Variants in ANKS6 observed in about 807,000 individuals in gnomAD.
ANKS6 encodes the protein ankyrin repeat and SAM domain-containing protein 6.
Under a neutral mutation model 77.9 loss-of-function variants are expected in ANKS6, and 47 were observed. The ratio of observed to expected loss-of-function variants is 0.60; its 90% confidence interval spans 0.48 to 0.77. The LOEUF is 0.77. Ranked by LOEUF, ANKS6 falls within the 30% of genes least tolerant of loss-of-function variation. The pLI is 0.00. For missense variants in ANKS6, 1,150 were observed against 1,159.1 expected (o/e 0.99, Z 0.11); for synonymous variants, 488 against 501.7 (o/e 0.97, Z 0.37).
chr9:98,769,644 G>A lies in ANKS6; in HGVS notation c.1972+1252C>T, dbSNP rs548134055. On this transcript the variant is annotated intron_variant, in intron 10 of 14. Coordinates refer to ENST00000353234, the MANE Select transcript of ANKS6 (RefSeq NM_173551.5). ...AGCAGTTTATAGTTTAGAAAGGCACGTGGTTCCAAGAACAGGCTCTGAAGT... is the reference window on the plus strand; with the variant it reads ...AGCAGTTTATAGTTTAGAAAGGCACATGGTTCCAAGAACAGGCTCTGAAGT... Among the ~76,000 whole-genome samples, 8 of 152,300 alleles carry A rather than the reference G, an allele frequency of 5.3e-5. No individual in the cohort carries two copies. The East Asian group carries it at 1.5e-3, about 29-fold the overall frequency.
At chr9:98,756,676 A>T in intron 11 of ANKS6, 73 bp from the exon 12 acceptor site, 1 of 1,268,946 alleles carries the variant, frequency 7.9e-7, no homozygotes, top group South Asian at 2.0e-5. Flanking sequence ...AGACACCCAC[A>T]ACAGGGAACA....
intron 11 of ANKS6, among the ~76,000 whole-genome samples, chr9:98,762,092 T>C (rs1683741280): frequency 6.6e-6 from 1 of 152,198 alleles, no homozygotes. Context: ...CCACACATAT[T>C]AGATTTATAC....
At chr9:98,739,484 C>A (rs953778727) in intron 14 of ANKS6, among the ~76,000 whole-genome samples, 1 of 151,976 alleles carries the variant, frequency 6.6e-6, no homozygotes, top group Non-Finnish European at 1.5e-5. Flanking sequence ...AGCTGGGTCA[C>A]CCTGAGCAAG....
At chr9:98,754,198 T>C (rs1211153077) in intron 12 of ANKS6, among the ~76,000 whole-genome samples, 2 of 152,118 alleles carry the variant, frequency 1.3e-5, no homozygotes, top group Admixed American at 6.5e-5. Flanking sequence ...CTGGAACAAA[T>C]GTGAGGCTGA....
intron 12 of ANKS6, among the ~76,000 whole-genome samples, chr9:98,752,608 C>G (rs1257023581): frequency 6.6e-6 from 1 of 152,220 alleles, no homozygotes; most frequent in Non-Finnish European, 1.5e-5. Flanking sequence ...ATGGATGACC[C>G]ACTTGCTCTT....
chr9:98,772,317 G>A (rs564986504), intron 9 of ANKS6, among the ~76,000 whole-genome samples: 2 of 152,342 alleles, frequency 1.3e-5, no homozygotes, highest in South Asian at 4.1e-4. Context: ...CTGGAGTGAT[G>A]CAGCCACAAG....
intron 14 of ANKS6, among the ~76,000 whole-genome samples, chr9:98,739,430 AC>A (rs1163111256): frequency 6.6e-6 from 1 of 152,082 alleles, no homozygotes; most frequent in Non-Finnish European, 1.5e-5. Flanking sequence ...ACAGAGCGAG[AC>A]CCTGTCACAG....
chr9:98,796,110 G>GC, intron 1 of ANKS6, 23 bp downstream of exon 1: 1 of 1,322,414 alleles, frequency 7.6e-7, no homozygotes, highest in Non-Finnish European at 9.6e-7. Context: ...CTGGTCCCGG[G>GC]CCCCCGGGCC....
intron 1 of ANKS6, among the ~76,000 whole-genome samples, chr9:98,792,445 G>C (rs1047419755): frequency 2.0e-5 from 3 of 152,172 alleles, no homozygotes; most frequent in Admixed American, 6.5e-5. Flanking sequence ...CCCTACCATA[G>C]TGGCTGATCC....
At position 98,782,425 on chromosome 9, in the gene ANKS6, A is replaced by G. The variant is rs1364226928; in HGVS notation, c.1219+42T>C. ...GCCTGTCTTGACTCCCAGTCCAAGA[A>G]ACGCTGGGTAGATTTACAACCCTTT... On this transcript the variant is annotated intron_variant, in intron 5 of 14. Coordinates refer to ENST00000353234, the MANE Select transcript of ANKS6 (RefSeq NM_173551.5). 4 of 1,566,076 alleles carry G rather than the reference A, an allele frequency of 2.6e-6. No individual in the cohort carries two copies. In the South Asian group the frequency reaches 4.5e-5, roughly 17 times the overall value.
Position 98,733,482 on chromosome 9 carries a change from A to G in ANKS6, c.*3037T>C, listed in dbSNP as rs1451122122. The G allele has an allele frequency of 5.1e-6, 5 of 985,382 alleles. No homozygotes were observed. Among genetic ancestry groups the G allele is most frequent in the Non-Finnish European group, 4.8e-6 (4 of 830,002 alleles). 61.0% of individuals were successfully genotyped at this position (985,382 alleles called of 1,614,324 possible). A position where few individuals can be genotyped will look rare whatever the true frequency, so the allele number is the denominator to read the frequency against. On this transcript the variant is annotated 3_prime_UTR_variant, in exon 15 of 15. Transcript: ENST00000353234. ...AGCAGGACCGGTCCCCTGATGTCCCACTGCCAAGCAGGCCACCTCTGCAGA... is the reference window on the plus strand; with the variant it reads ...AGCAGGACCGGTCCCCTGATGTCCCGCTGCCAAGCAGGCCACCTCTGCAGA...
At chr9:98,777,601 G>A (rs982961455) in intron 7 of ANKS6, 147 bp from the exon 8 acceptor site, 2 of 722,084 alleles carry the variant, frequency 2.8e-6, no homozygotes, top group Non-Finnish European at 4.7e-6. Context: ...TATTTTAATA[G>A]AAGGAAGGCA....
In ANKS6 at chr9:98,773,805, C is replaced by T. The variant is rs994857430; in HGVS notation, c.1821+72G>A. On this transcript the variant is annotated intron_variant, in intron 9 of 14. Transcript: ENST00000353234. ...CTCTGGATTCGTCGGTTTGAGGTCC[C>T]GCTGCCTGGAACACACCATGATCTC... 1.4e-5 allele frequency: 19 copies of T among 1,336,490 alleles called. 1 individual carries two copies. The highest frequency in any genetic ancestry group is 3.0e-5 in the African/African-American group (2 of 66,558). 82.8% of individuals were successfully genotyped at this position (1,336,490 alleles called of 1,614,324 possible).
chr9:98,746,896 T>C (rs537182304), intron 13 of ANKS6, among the ~76,000 whole-genome samples: 18 of 152,280 alleles, frequency 1.2e-4, no homozygotes, highest in Admixed American at 7.8e-4. Flanking sequence ...ATCTGGGAGA[T>C]GGGACAAAGA....
intron 12 of ANKS6, among the ~76,000 whole-genome samples, chr9:98,751,928 GAAGT>G (rs1366283337): frequency 1.3e-5 from 2 of 152,122 alleles, no homozygotes; most frequent in Non-Finnish European, 2.9e-5. Flanking sequence ...AAAAAATTTA[GAAGT>G]AATTAGCCAG....
chr9:98,790,332 C>G lies in ANKS6; in HGVS notation c.634G>C (p.Glu212Gln), dbSNP rs769180403. The G allele has an allele frequency of 8.1e-6, 13 of 1,611,282 alleles. No individual in the cohort carries two copies. Among genetic ancestry groups the G allele is most frequent in the Non-Finnish European group, 1.0e-5 (12 of 1,178,680 alleles). The change falls in exon 2 of 15, where the codon GAG becomes CAG. Residue 212 changes from glutamate (E) to glutamine (Q), a missense_variant. Physicochemically the swap from Glu to Gln is conservative, Grantham distance 29 (BLOSUM62 2). Coordinates refer to ENST00000353234, the MANE Select transcript of ANKS6 (RefSeq NM_173551.5). The stretch of plus-strand genomic sequence containing the variant: ...GCGTGGTTGGGGTCCGCGCCCCACT[C>G]CATCAGTAGACGCACCACGGCCTCG... ...GHEAVVRLLM[E>Q]WGADPNHAAR... is the part of the protein sequence containing the mutation.
intron 5 of ANKS6, 148 bp from the exon 6 acceptor site, chr9:98,780,485 T>A: frequency 1.0e-6 from 1 of 984,084 alleles, no homozygotes. Context: ...TGCCTCTCCA[T>A]CTGATCTTCA....
intron 1 of ANKS6, among the ~76,000 whole-genome samples, chr9:98,790,961 G>T (rs1038882930): frequency 4.6e-5 from 7 of 152,236 alleles, no homozygotes. Context: ...CTGGCTCTGT[G>T]CCTGGCCACA....
intron 12 of ANKS6, among the ~76,000 whole-genome samples, chr9:98,754,424 G>A (rs912461782): frequency 1.3e-5 from 2 of 152,088 alleles, no homozygotes; most frequent in Non-Finnish European, 2.9e-5. Context: ...GGCGGATCAC[G>A]AGGTCAGGAG....
Sources: gnomAD v4.1 joint callset for allele counts (sites outside exome capture counted in the v4.1 genomes callset) on GRCh38, gnomAD v4.1.1 for gene constraint, MANE v1.5 for transcripts, NCBI Gene and HGNC (gene_info 2026-07-23, HGNC 2026-07-21) for gene names.